ZNF555: variants seen among roughly 807,000 people sequenced by gnomAD.
The protein encoded by ZNF555 is zinc finger protein 555.
In ZNF555, 10 loss-of-function variants were observed where a neutral mutation model predicts 14.0. The ratio of observed to expected loss-of-function variants is 0.72; its 90% CI spans 0.44 to 1.21. The LOEUF (loss-of-function observed/expected upper bound fraction) is 1.21. ZNF555 is among the 50% of genes most tolerant of loss of function. The pLI, the probability that ZNF555 is intolerant of heterozygous loss-of-function variation, is 0.00. For synonymous variants in ZNF555, 277 were observed against 262.4 expected, an observed-to-expected ratio of 1.06 and a Z score of -0.54; for missense variants, 747 against 762.0, an observed-to-expected ratio of 0.98 and a Z score of 0.23.
chr19:2,849,482 A>AC (rs1292419095), intron 1 of ZNF555, among the ~76,000 whole-genome samples: 2 of 121,218 alleles, frequency 1.6e-5, no homozygotes, highest in Non-Finnish European at 3.6e-5. Context: ...TAGCAATAAT[A>AC]CTTTTTTTTT....
intron 1 of ZNF555, 28 bp from the exon 2 acceptor site, chr19:2,850,559 C>T (rs369017553): frequency 6.8e-6 from 11 of 1,608,734 alleles, no homozygotes; most frequent in Non-Finnish European, 7.7e-6. Context: ...CTCAACCATC[C>T]TCCCATAAAT....
rs1307229895 is a variant in ZNF555, at chr19:2,851,481, AT to A, written c.147del (p.Phe49LeufsTer23). The A allele has an allele frequency of 1.3e-6, 2 of 1,581,288 alleles. No homozygotes were observed. The highest frequency in any genetic ancestry group is 1.7e-6 in the Non-Finnish European group (2 of 1,169,240). On this transcript the variant is annotated frameshift_variant, in exon 3 of 4. Transcript: ENST00000334241. LOFTEE classifies it high-confidence loss of function. ...NLASVDDETQ[F>X]KASGSVSQQD... ...TTTTGGTTTCAGATGATGAAACTCA[AT>A]TTAAGGCCAGTGGGTCAGTTTCTCA...
At chr19:2,851,415 G>GT (rs1186238934) in intron 2 of ZNF555, 53 bp from the exon 3 acceptor site, 1 of 1,476,060 alleles carries the variant, frequency 6.8e-7, no homozygotes, top group Admixed American at 2.4e-5. Context: ...CCTCAGTGTC[G>GT]TTTTCCGCTA....
chr19:2,849,483 C>CT (rs113343627), intron 1 of ZNF555, among the ~76,000 whole-genome samples: 49,638 of 132,028 alleles, frequency 0.38, 10,121 homozygotes, highest in South Asian at 0.54. Context: ...AGCAATAATA[C>CT]TTTTTTTTTT....
chr19:2,853,945 CT>C lies in ZNF555; in HGVS notation c.1883del (p.Leu628TyrfsTer16). ...DLIKVVNMVL[P>X]L ...ATCAAAGTTGTAAATATGGTGTTGC[CT>C]TTATGAGTTCCTTATCCTGAAAGTG... On this transcript the variant is annotated frameshift_variant, in exon 4 of 4. Transcript: ENST00000334241. LOFTEE classifies it high-confidence loss of function. 6.2e-7 allele frequency: 1 copy of C among 1,613,446 alleles called. No homozygotes were observed.
At position 2,857,796 on chromosome 19, in the gene ZNF555, T is replaced by G. The variant is rs958523317; in HGVS notation, c.*3844T>G. 6.6e-6 allele frequency: 1 copy of G among 152,034 alleles called. No individual in the cohort carries two copies. Among genetic ancestry groups the G allele is most frequent in the African/African-American group, 2.4e-5 (1 of 41,336 alleles). The allele number at this position is 152,034 out of a possible 1,614,324, so 9.4% of individuals were successfully genotyped here. ...AGGTTGAGGCTGCAGTGAACTATGA[T>G]CATGCACTGCACTCTACACTGGGCG... On this transcript the variant is annotated 3_prime_UTR_variant, in exon 4 of 4. Coordinates refer to ENST00000334241, the MANE Select transcript of ZNF555 (RefSeq NM_152791.5).
chr19:2,853,949 A>G lies in ZNF555; in HGVS notation c.1884A>G (p.Leu628=), dbSNP rs2087662710. ...AAGTTGTAAATATGGTGTTGCCTTT[A>G]TGAGTTCCTTATCCTGAAAGTGGAC... ...LIKVVNMVLP[L] The change falls in exon 4 of 4, where the codon TTA becomes TTG. Residue 628 remains leucine, a synonymous_variant. Transcript: ENST00000334241. The G allele has an allele frequency of 6.2e-7, 1 of 1,613,448 alleles. No individual in the cohort carries two copies. The highest frequency in any genetic ancestry group is 1.7e-4 in the Middle Eastern group (1 of 5,998).
rs550024964 is a variant in ZNF555, at chr19:2,847,863, T to G, written c.4-2724T>G. Reference sequence around the variant, plus strand: ...TTCAGCATTTACAGGGATAGCATTATGCTAGCAGGGAAGACCATGGCTGGT... The same window carrying G: ...TTCAGCATTTACAGGGATAGCATTAGGCTAGCAGGGAAGACCATGGCTGGT... On this transcript the variant is annotated intron_variant, in intron 1 of 3. Transcript: ENST00000334241. 1.1e-3 allele frequency among the ~76,000 whole-genome samples: 165 copies of G among 152,244 alleles called. 1 individual carries two copies. The highest frequency in any genetic ancestry group is 2.2e-3 in the Non-Finnish European group (149 of 68,000).
chr19:2,853,915 A>G lies in ZNF555; in HGVS notation c.1850A>G (p.Asp617Gly), dbSNP rs897963377. 34 of 1,613,768 alleles carry G rather than the reference A, an allele frequency of 2.1e-5. No homozygotes were observed. The highest frequency in any genetic ancestry group is 2.3e-5 in the Non-Finnish European group (27 of 1,180,026). The change falls in exon 4 of 4, where the codon GAT (aspartate) becomes GGT (glycine). Residue 617 changes from aspartate (D) to glycine (G), a missense_variant. Coordinates refer to ENST00000334241, the MANE Select transcript of ZNF555 (RefSeq NM_152791.5). ...SASEKSHQERDLIKVVNMVLP... is the reference protein window; with the variant it reads ...SASEKSHQERGLIKVVNMVLP... The stretch of plus-strand genomic sequence containing the variant: ...TCAGAAAAGTCACACCAGGAGAGAG[A>G]TCTGATCAAAGTTGTAAATATGGTG...
rs763689197 is a variant in ZNF555, at chr19:2,852,578, A to G, written c.513A>G (p.Pro171=). The G allele has an allele frequency of 1.7e-5, 27 of 1,614,028 alleles. No individual in the cohort carries two copies. The highest frequency in any genetic ancestry group is 1.6e-4 in the Middle Eastern group (1 of 6,084). Reference sequence around the variant, plus strand: ...TCACAGTTCACACTGGACACAAACCATATCAGTGCCAGGAATGTGGGCAGG... The same window carrying G: ...TCACAGTTCACACTGGACACAAACCGTATCAGTGCCAGGAATGTGGGCAGG... ...SPITVHTGHK[P]YQCQECGQAY... Residue 171 remains proline (P), a synonymous_variant, in exon 4 of 4, where the codon CCA becomes CCG. Coordinates refer to ENST00000334241, the MANE Select transcript of ZNF555 (RefSeq NM_152791.5).
chr19:2,853,308 ATGAGGGTGCACAC>A lies in ZNF555; in HGVS notation c.1246_1258del (p.Arg416GlufsTer24). On this transcript the variant is annotated frameshift_variant, in exon 4 of 4. Transcript: ENST00000334241. LOFTEE classifies it low-confidence loss of function (END_TRUNC). The stretch of plus-strand genomic sequence containing the variant: ...TCACCCCTCCTCCTTTCGAGGACAC[ATGAGGGTGCACAC>A]TGGAGAGAAACCCTATGAGTGCAAG... 1 of 1,613,904 alleles carries A rather than the reference ATGAGGGTGCACAC, an allele frequency of 6.2e-7. No individual in the cohort carries two copies. Among genetic ancestry groups the A allele is most frequent in the Non-Finnish European group, 8.5e-7 (1 of 1,179,946 alleles).
Position 2,852,526 on chromosome 19 carries a change from A to C in ZNF555, c.461A>C (p.His154Pro). Reference protein sequence around the residue: ...EYNTYGKVFMHRRTSLKSPIT... With the variant: ...EYNTYGKVFMPRRTSLKSPIT... ...AACACGTACGGAAAAGTCTTCATGC[A>C]TCGCCGCACATCCCTCAAGAGTCCC... Residue 154 changes from histidine to proline, a missense_variant, in exon 4 of 4, where the codon CAT (histidine) becomes CCT (proline). Coordinates refer to ENST00000334241, the MANE Select transcript of ZNF555 (RefSeq NM_152791.5). 1 of 1,614,124 alleles carries C rather than the reference A, an allele frequency of 6.2e-7. No individual in the cohort carries two copies. The highest frequency in any genetic ancestry group is 8.5e-7 in the Non-Finnish European group (1 of 1,180,044).
Position 2,853,197 on chromosome 19 carries a change from A to G in ZNF555, c.1132A>G (p.Ile378Val). The G allele has an allele frequency of 1.2e-6, 2 of 1,614,186 alleles. No homozygotes were observed. The highest frequency in any genetic ancestry group is 1.7e-6 in the Non-Finnish European group (2 of 1,180,036). ...ATGCAAACAGTGTGGGAAGACCTTC[A>G]TTTATCCCCAGTCCTTTCGAAGACA... is the stretch of plus-strand genomic sequence containing the variant. ...YECKQCGKTF[I>V]YPQSFRRHER... Residue 378 changes from isoleucine to valine, a missense_variant, in exon 4 of 4, where the codon ATT (isoleucine) becomes GTT (valine). By Grantham distance (29) the Ile-to-Val change is conservative (BLOSUM62 3). Coordinates refer to ENST00000334241, the MANE Select transcript of ZNF555 (RefSeq NM_152791.5).
chr19:2,852,707 C>T lies in ZNF555; in HGVS notation c.642C>T (p.Ser214=), dbSNP rs757864976. The T allele has an allele frequency of 6.2e-7, 1 of 1,614,162 alleles. No homozygotes were observed. Among genetic ancestry groups the T allele is most frequent in the South Asian group, 1.1e-5 (1 of 91,088 alleles). Residue 214 remains serine, a synonymous_variant, in exon 4 of 4, where the codon TCC becomes TCT. Transcript: ENST00000334241. ...GGAAAACCTTTCCTCGTACTTCCTC[C>T]CTCAATCGGCATGTAAGGATTCACA... ...LCGKTFPRTS[S]LNRHVRIHTA...
At position 2,853,284 on chromosome 19, in the gene ZNF555, C is replaced by G. The variant is rs1314173537; in HGVS notation, c.1219C>G (p.His407Asp). Residue 407 changes from histidine to aspartate, a missense_variant, in exon 4 of 4, where the codon CAC (histidine) becomes GAC (aspartate). Transcript: ENST00000334241. Reference sequence around the variant, plus strand: ...CAACCAGTGCGGGAAAGCATTCAGTCACCCCTCCTCCTTTCGAGGACACAT... The same window carrying G: ...CAACCAGTGCGGGAAAGCATTCAGTGACCCCTCCTCCTTTCGAGGACACAT... ...ECNQCGKAFS[H>D]PSSFRGHMRV... 1.2e-6 allele frequency: 2 copies of G among 1,612,828 alleles called. No homozygotes were observed. The highest frequency in any genetic ancestry group is 2.2e-5 in the South Asian group (2 of 91,016).
In ZNF555 at chr19:2,841,774, G is replaced by A. The variant is rs1054421983; in HGVS notation, c.3+199G>A. On this transcript the variant is annotated intron_variant, in intron 1 of 3. Transcript: ENST00000334241. The stretch of plus-strand genomic sequence containing the variant: ...GCGGCTAGGGCGCTCCGAGCTCCGG[G>A]TCCCCGCCCGCCTCTGGCCCCAAGG... Among the ~76,000 whole-genome samples, 245 of 151,604 alleles carry A rather than the reference G, an allele frequency of 1.6e-3. 1 individual carries two copies. The highest frequency in any genetic ancestry group is 5.4e-3 in the African/African-American group (224 of 41,474).
intron 1 of ZNF555, among the ~76,000 whole-genome samples, chr19:2,844,095 T>C (rs35412116): frequency 5.9e-4 from 5 of 8,522 alleles, no homozygotes; most frequent in Non-Finnish European, 6.3e-4. Flanking sequence ...CTCTCTCTCT[T>C]TTCTTTTTTT....
chr19:2,844,093 CTTT>C (rs34787983), intron 1 of ZNF555, among the ~76,000 whole-genome samples: 2,723 of 131,886 alleles, frequency 0.021, 98 homozygotes, highest in Middle Eastern at 0.06. Context: ...CTCTCTCTCT[CTTT>C]TCTTTTTTTT....
At chr19:2,851,206 C>T (rs564757330) in intron 2 of ZNF555, among the ~76,000 whole-genome samples, 1 of 152,142 alleles carries the variant, frequency 6.6e-6, no homozygotes, top group African/African-American at 2.4e-5. Context: ...CCATGTCAGC[C>T]AGGCTGCTCT....
Sources: allele counts gnomAD v4.1 joint callset (sites outside exome capture counted in the v4.1 genomes callset), GRCh38; gene constraint gnomAD v4.1.1; transcripts MANE v1.5; gene names NCBI Gene and HGNC (gene_info 2026-07-23, HGNC 2026-07-21).